Variants in FAM174A observed in about 807,000 individuals in gnomAD.
The protein encoded by FAM174A is membrane protein FAM174A.
Under a neutral mutation model 14.3 loss-of-function variants are expected in FAM174A, and 14 were observed. The observed-to-expected ratio is 0.98, with a 90% CI of 0.65 to 1.53. FAM174A has a LOEUF of 1.53. Ranked by LOEUF, FAM174A falls within the 40% of genes most tolerant of loss-of-function variation. FAM174A has a pLI of 0.00. For missense variants in FAM174A, 241 were observed against 249.6 expected (o/e 0.97, Z 0.23); for synonymous variants, 108 against 111.4 (o/e 0.97, Z 0.19).
chr5:100,565,555 C>T (rs1746626036), intron 2 of FAM174A, among the ~76,000 whole-genome samples: 1 of 151,696 alleles, frequency 6.6e-6, no homozygotes, highest in African/African-American at 2.4e-5. Flanking sequence ...TGTAAGTTGG[C>T]ACAGCTGTTA....
At chr5:100,555,236 T>C (rs947399206) in intron 1 of FAM174A, among the ~76,000 whole-genome samples, 2 of 152,072 alleles carry the variant, frequency 1.3e-5, no homozygotes, top group South Asian at 2.1e-4. Context: ...GCTTCATCCA[T>C]GTCCCTACAA....
At chr5:100,586,110 T>G in intron 2 of FAM174A, 71 bp from the exon 3 acceptor site, 1 of 808,722 alleles carries the variant, frequency 1.2e-6, no homozygotes. Flanking sequence ...CAAATCTTTC[T>G]GAATAGTTTT....
chr5:100,566,141 G>GATAGATATATATATATAT (rs558236562), intron 2 of FAM174A, among the ~76,000 whole-genome samples: 1,333 of 81,684 alleles, frequency 0.016, 67 homozygotes, highest in Non-Finnish European at 0.024. Flanking sequence ...TGAAAAGTAT[G>GATAGATATATATATATAT]ATATATATAT....
intron 2 of FAM174A, among the ~76,000 whole-genome samples, chr5:100,566,322 T>A (rs879773948): frequency 6.6e-6 from 1 of 151,398 alleles, no homozygotes; most frequent in Non-Finnish European, 1.5e-5. Context: ...AGACAGATAT[T>A]GCATTATCTC....
intron 2 of FAM174A, among the ~76,000 whole-genome samples, chr5:100,576,460 A>G (rs1229444055): frequency 1.3e-5 from 2 of 152,136 alleles, no homozygotes; most frequent in South Asian, 2.1e-4. Context: ...ACACTCTTTT[A>G]TGTCTCTTTC....
chr5:100,575,283 G>A (rs1021382619), intron 2 of FAM174A, among the ~76,000 whole-genome samples: 25 of 151,774 alleles, frequency 1.6e-4, no homozygotes, highest in Admixed American at 6.6e-4. Flanking sequence ...TTGAGTTCTA[G>A]GGTACATGTG....
At position 100,535,400 on chromosome 5, in the gene FAM174A, C is replaced by G. The variant is rs1269689411; in HGVS notation, c.-131C>G. 6 of 970,822 alleles carry G rather than the reference C, an allele frequency of 6.2e-6. No homozygotes were observed. The highest frequency in any genetic ancestry group is 9.3e-6 in the Non-Finnish European group (6 of 646,148). The allele number at this position is 970,822 out of a possible 1,614,324, so 60.1% of individuals were successfully genotyped here. A position where few individuals can be genotyped will look rare whatever the true frequency, so the allele number is the denominator to read the frequency against. ...GCTGCCACTGCTGTAGCTTCTGCCA[C>G]CTGCCACGACCGGGCCTCTCCCTGG... On this transcript the variant is annotated 5_prime_UTR_variant, in exon 1 of 3. Transcript: ENST00000312637.
intron 2 of FAM174A, among the ~76,000 whole-genome samples, chr5:100,571,014 A>C (rs537427188): frequency 6.6e-6 from 1 of 151,918 alleles, no homozygotes; most frequent in Non-Finnish European, 1.5e-5. Flanking sequence ...TTAAACCAAC[A>C]TAATAGTCCT....
Position 100,535,406 on chromosome 5 carries a change from AC to A in FAM174A, c.-124del. The A allele has an allele frequency of 9.6e-7, 1 of 1,043,164 alleles. No individual in the cohort carries two copies. Among genetic ancestry groups the A allele is most frequent in the Admixed American group, 2.2e-5 (1 of 44,538 alleles). The allele number at this position is 1,043,164 out of a possible 1,614,324, so 64.6% of individuals were successfully genotyped here. A position where few individuals can be genotyped will look rare whatever the true frequency, so the allele number is the denominator to read the frequency against. Reference sequence around the variant, plus strand: ...ACTGCTGTAGCTTCTGCCACCTGCCACGACCGGGCCTCTCCCTGGCGTTTGG... The same window carrying A: ...ACTGCTGTAGCTTCTGCCACCTGCCAGACCGGGCCTCTCCCTGGCGTTTGG... On this transcript the variant is annotated 5_prime_UTR_variant, in exon 1 of 3. Coordinates refer to ENST00000312637, the MANE Select transcript of FAM174A (RefSeq NM_198507.3).
intron 1 of FAM174A, among the ~76,000 whole-genome samples, chr5:100,549,677 A>G (rs1029673520): frequency 3.3e-5 from 5 of 151,498 alleles, no homozygotes; most frequent in African/African-American, 1.2e-4. Context: ...GTAGCAGTAT[A>G]CCTCGTTGAA....
chr5:100,562,071 G>T lies in FAM174A; in HGVS notation c.452G>T (p.Arg151Leu). The T allele has an allele frequency of 6.4e-7, 1 of 1,567,966 alleles. No individual in the cohort carries two copies. The highest frequency in any genetic ancestry group is 8.6e-7 in the Non-Finnish European group (1 of 1,156,144). The change falls in exon 2 of 3, where the codon CGA becomes CTA. Residue 151 changes from arginine (R) to leucine (L), a missense_variant. Arg to Leu is a moderately radical substitution (Grantham distance 102, BLOSUM62 -2). Coordinates refer to ENST00000312637, the MANE Select transcript of FAM174A (RefSeq NM_198507.3). The part of the protein sequence containing the change: ...VRTVRMRRRN[R>L]KTRRYGVLDT... ...TTTGATAGGATGAGAAGAAGAAACCGAAAGACTAGGAGATATGGAGTTTTG... is the reference window on the plus strand; with the variant it reads ...TTTGATAGGATGAGAAGAAGAAACCTAAAGACTAGGAGATATGGAGTTTTG...
intron 1 of FAM174A, among the ~76,000 whole-genome samples, chr5:100,554,151 G>A (rs1165073253): frequency 1.3e-5 from 2 of 152,010 alleles, no homozygotes; most frequent in Non-Finnish European, 1.5e-5. Context: ...CAAAAGGAAA[G>A]AGAAATTATA....
In FAM174A at chr5:100,535,474, G is replaced by T; in HGVS notation, c.-57G>T. 6 of 1,588,756 alleles carry T rather than the reference G, an allele frequency of 3.8e-6. No homozygotes were observed. The highest frequency in any genetic ancestry group is 2.3e-5 in the South Asian group (2 of 88,060). ...CTCCACCGCGCCTATGGTCCCTCTT[G>T]GAGCCAGCGTGGCGGGCCTGGCGGC... On this transcript the variant is annotated 5_prime_UTR_variant, in exon 1 of 3. An upstream open reading frame in the 5' UTR gains an earlier in-frame stop. Transcript: ENST00000312637.
At chr5:100,581,969 T>C (rs1408415513) in intron 2 of FAM174A, among the ~76,000 whole-genome samples, 1 of 152,168 alleles carries the variant, frequency 6.6e-6, no homozygotes, top group African/African-American at 2.4e-5. Flanking sequence ...AAGAGACTCT[T>C]TATGTGGTAG....
At chr5:100,580,660 T>C (rs376823284) in intron 2 of FAM174A, among the ~76,000 whole-genome samples, 11 of 152,324 alleles carry the variant, frequency 7.2e-5, no homozygotes, top group African/African-American at 2.6e-4. Flanking sequence ...AATGTTAATC[T>C]CCTTTGGTAG....
At chr5:100,572,250 CTTTTT>C (rs1222146190) in intron 2 of FAM174A, among the ~76,000 whole-genome samples, 2 of 109,498 alleles carry the variant, frequency 1.8e-5, no homozygotes, top group African/African-American at 6.6e-5. Flanking sequence ...TTTTTTACGT[CTTTTT>C]TTTTTTTAAT....
At chr5:100,565,789 C>T (rs1179254414) in intron 2 of FAM174A, among the ~76,000 whole-genome samples, 5 of 151,560 alleles carry the variant, frequency 3.3e-5, no homozygotes, top group South Asian at 4.2e-4. Context: ...GAAGAAATAT[C>T]GGAGACTGGG....
chr5:100,543,676 A>G (rs1023431303), intron 1 of FAM174A, among the ~76,000 whole-genome samples: 10 of 151,930 alleles, frequency 6.6e-5, no homozygotes, highest in Admixed American at 5.2e-4. Flanking sequence ...TGCAACCTCC[A>G]CCTCATGGAT....
intron 1 of FAM174A, among the ~76,000 whole-genome samples, chr5:100,546,115 T>C (rs1746159794): frequency 6.6e-6 from 1 of 152,200 alleles, no homozygotes; most frequent in Non-Finnish European, 1.5e-5. Flanking sequence ...ATTCTATTTT[T>C]CCTTTAAGAA....
Sources: allele counts gnomAD v4.1 joint callset (sites outside exome capture counted in the v4.1 genomes callset), GRCh38; gene constraint gnomAD v4.1.1; transcripts MANE v1.5; gene names NCBI Gene and HGNC (gene_info 2026-07-23, HGNC 2026-07-21).